TMEM175: variants seen among roughly 807,000 people sequenced by gnomAD.
The protein encoded by TMEM175 is transmembrane protein 175, also known as endosomal/lysosomal proton channel TMEM175.
Under a neutral mutation model 36.5 loss-of-function variants are expected in TMEM175, and 36 were observed. The ratio of observed to expected loss-of-function variants is 0.99; its 90% confidence interval spans 0.76 to 1.30. The LOEUF (loss-of-function observed/expected upper bound fraction) is 1.30. TMEM175 is among the 50% of genes most tolerant of loss of function. The pLI is 0.00. For synonymous variants in TMEM175, 339 were observed against 313.4 expected (o/e 1.08, Z -0.86); for missense variants, 705 against 692.8 (o/e 1.02, Z -0.20).
chr4:949,775 G>A (rs987720825), intron 3 of TMEM175, among the ~76,000 whole-genome samples: 8 of 142,086 alleles, frequency 5.6e-5, no homozygotes, highest in Admixed American at 5.4e-4. Context: ...GGCTGCCTTC[G>A]GGGTCCCTCG....
At chr4:940,273 G>T (rs371379114) in intron 1 of TMEM175, among the ~76,000 whole-genome samples, 1 of 151,716 alleles carries the variant, frequency 6.6e-6, no homozygotes, top group East Asian at 1.9e-4. Flanking sequence ...ACATGGTGAA[G>T]CCCCACCTTT....
chr4:951,749 G>T, intron 6 of TMEM175, 32 bp downstream of exon 6: 4 of 1,610,048 alleles, frequency 2.5e-6, no homozygotes, highest in South Asian at 1.1e-5. Context: ...ACACCCTGAG[G>T]CTTTGCTGGG....
Position 958,012 on chromosome 4 carries a change from T to C in TMEM175, c.1031T>C (p.Leu344Pro). ...VRKATRAMGL[L>P]NTLSLAFVGG... The stretch of plus-strand genomic sequence containing the variant: ...AAGGCCACGCGGGCCATGGGGCTGC[T>C]GAACACGCTCTCGCTGGCCTTCGTG... Residue 344 changes from leucine to proline, a missense_variant, in exon 11 of 11, where the codon CTG (leucine) becomes CCG (proline). Physicochemically the swap from Leu to Pro is moderately conservative, Grantham distance 98 (BLOSUM62 -3). Coordinates refer to ENST00000264771, the MANE Select transcript of TMEM175 (RefSeq NM_032326.4). The C allele has an allele frequency of 6.2e-7, 1 of 1,612,518 alleles. No individual in the cohort carries two copies. The highest frequency in any genetic ancestry group is 8.5e-7 in the Non-Finnish European group (1 of 1,179,822).
intron 1 of TMEM175, among the ~76,000 whole-genome samples, chr4:947,000 A>AGAGCGG (rs1318438848): frequency 1.4e-5 from 2 of 138,400 alleles, no homozygotes; most frequent in African/African-American, 2.8e-5. Flanking sequence ...GCCGAGACCG[A>AGAGCGG]GGGAGAGCGC....
chr4:948,199 T>C, intron 3 of TMEM175, 45 bp downstream of exon 3: 2 of 1,613,948 alleles, frequency 1.2e-6, no homozygotes, highest in Non-Finnish European at 1.7e-6. Context: ...CCTGCGAAGA[T>C]ATAGGGTCCC....
chr4:947,715 G>A lies in TMEM175; in HGVS notation c.-25G>A. The stretch of plus-strand genomic sequence containing the variant: ...GACCTGCCTTTCCTCCCAGGCTCCT[G>A]TAACCGCCAGGCAGCGGCCCCGCCA... On this transcript the variant is annotated 5_prime_UTR_variant, in exon 2 of 11. Transcript: ENST00000264771. 6.3e-7 allele frequency: 1 copy of A among 1,581,414 alleles called. No homozygotes were observed. Among genetic ancestry groups the A allele is most frequent in the Non-Finnish European group, 8.6e-7 (1 of 1,162,710 alleles).
intron 4 of TMEM175, 59 bp from the exon 5 acceptor site, chr4:951,148 G>A: frequency 6.9e-7 from 1 of 1,439,332 alleles, no homozygotes; most frequent in Non-Finnish European, 9.8e-7. Context: ...AAGAGTGTGT[G>A]TGCATTTAAT....
chr4:934,538 G>C (rs1315119250), intron 1 of TMEM175, among the ~76,000 whole-genome samples: 1 of 152,204 alleles, frequency 6.6e-6, no homozygotes, highest in Non-Finnish European at 1.5e-5. Context: ...TTACCGTAGA[G>C]GGATGAAGAG....
At chr4:948,339 C>T (rs1728449863) in intron 3 of TMEM175, 185 bp downstream of exon 3, 10 of 1,537,352 alleles carry the variant, frequency 6.5e-6, no homozygotes, top group Admixed American at 5.9e-5. Flanking sequence ...AGCCTGTGCT[C>T]ACCCCGGCGG....
chr4:938,484 A>G lies in TMEM175; in HGVS notation c.-32+5944A>G, dbSNP rs371479971. Among the ~76,000 whole-genome samples, 305 of 152,286 alleles carry G rather than the reference A, an allele frequency of 2.0e-3. 13 individuals carry two copies. The South Asian group carries it at 0.059, about 29-fold the overall frequency. ...GCACCACTGTGCTCCACTCTGGACA[A>G]CAGAGTGAGACTCGGTCTCCAAAAA... On this transcript the variant is annotated intron_variant, in intron 1 of 10. Transcript: ENST00000264771.
chr4:954,209 G>A (rs1387177043), intron 8 of TMEM175, among the ~76,000 whole-genome samples: 3 of 151,510 alleles, frequency 2.0e-5, no homozygotes, highest in East Asian at 2.0e-4. Flanking sequence ...GGCTGGTCTC[G>A]AACTCCTGAC....
chr4:948,657 T>G, intron 3 of TMEM175: 1 of 1,223,878 alleles, frequency 8.2e-7, no homozygotes, highest in South Asian at 1.5e-5. Flanking sequence ...CCACCTTGAC[T>G]GTTTCTGAGC....
intron 3 of TMEM175, among the ~76,000 whole-genome samples, chr4:948,849 C>T (rs1338043245): frequency 6.6e-6 from 1 of 152,220 alleles, no homozygotes; most frequent in Non-Finnish European, 1.5e-5. Flanking sequence ...AGTCCTGACT[C>T]GTGAGCTGAG....
chr4:948,803 T>C (rs1221157475), intron 3 of TMEM175, among the ~76,000 whole-genome samples: 2 of 152,226 alleles, frequency 1.3e-5, no homozygotes, highest in Non-Finnish European at 1.5e-5. Context: ...AGTGACCACG[T>C]AGCCCTTCCT....
At chr4:944,270 G>A (rs773670188) in intron 1 of TMEM175, among the ~76,000 whole-genome samples, 2 of 152,214 alleles carry the variant, frequency 1.3e-5, no homozygotes, top group Non-Finnish European at 2.9e-5. Context: ...TCCAGCCTGG[G>A]CGACAGAGCA....
At chr4:936,935 G>A (rs927684935) in intron 1 of TMEM175, among the ~76,000 whole-genome samples, 8 of 151,698 alleles carry the variant, frequency 5.3e-5, no homozygotes, top group African/African-American at 1.5e-4. Context: ...CCAGTCTAGC[G>A]ACACAGTAGG....
chr4:947,148 G>T (rs1201707358), intron 1 of TMEM175, among the ~76,000 whole-genome samples: 1 of 147,932 alleles, frequency 6.8e-6, no homozygotes, highest in Non-Finnish European at 1.5e-5. Context: ...GCCCCTGTAG[G>T]AGACAGCCCC....
At chr4:940,804 G>A (rs1174733822) in intron 1 of TMEM175, among the ~76,000 whole-genome samples, 12 of 150,580 alleles carry the variant, frequency 8.0e-5, no homozygotes, top group Admixed American at 2.0e-4. Context: ...TCAGGAGTTC[G>A]AGATCAGCCT....
intron 1 of TMEM175, among the ~76,000 whole-genome samples, chr4:943,153 A>G (rs1646345672): frequency 6.6e-6 from 1 of 152,224 alleles, no homozygotes. Flanking sequence ...AAAGATGCCT[A>G]ATTAGTCAGT....
Sources: gnomAD v4.1 joint callset for allele counts (sites outside exome capture counted in the v4.1 genomes callset) on GRCh38, gnomAD v4.1.1 for gene constraint, MANE v1.5 for transcripts, NCBI Gene and HGNC (gene_info 2026-07-23, HGNC 2026-07-21) for gene names.